The following ATF7 variants were observed in gnomAD, a reference collection of about 807,000 sequenced individuals.
The protein encoded by ATF7 is activating transcription factor 7.
A neutral mutation model predicts 50.4 loss-of-function variants in ATF7; 10 were observed. The observed-to-expected ratio is 0.20, with a 90% CI of 0.12 to 0.34. The LOEUF is 0.34. Ranked by LOEUF, ATF7 falls within the 10% of genes least tolerant of loss-of-function variation. ATF7 has a pLI of 1.00. For missense variants in ATF7, 465 were observed against 613.9 expected, an observed-to-expected ratio of 0.76 and a Z score of 2.56; for synonymous variants, 201 against 226.4, an observed-to-expected ratio of 0.89 and a Z score of 1.01.
downstream of ATF7, among the ~76,000 whole-genome samples, chr12:53,509,248 A>G (rs74089605): frequency 4.2e-3 from 637 of 152,302 alleles, 2 homozygotes; most frequent in African/African-American, 0.014. Flanking sequence ...AATCCATTCA[A>G]TAAAACAGCT....
rs1937696071 is a variant in ATF7, at chr12:53,516,292, T to G, written c.*845A>C. On this transcript the variant is annotated 3_prime_UTR_variant, in exon 12 of 12. Coordinates refer to ENST00000420353, the MANE Select transcript of ATF7 (RefSeq NM_006856.3). ...GAGACAGAATCAGCCAGTCAGATTC[T>G]GGGCCCTTCCCTTTTCACTACCAAG... 6.6e-6 allele frequency: 1 copy of G among 152,188 alleles called. No homozygotes were observed. The highest frequency in any genetic ancestry group is 2.4e-5 in the African/African-American group (1 of 41,434). The allele number at this position is 152,188 out of a possible 1,614,324, so 9.4% of individuals were successfully genotyped here.
chr12:53,528,410 C>T (rs191031577), intron 9 of ATF7, among the ~76,000 whole-genome samples: 6 of 151,924 alleles, frequency 3.9e-5, no homozygotes, highest in South Asian at 2.1e-4. Context: ...GGTGGATTGC[C>T]GGACCTCAGG....
chr12:53,585,207 C>T (rs1003161919), intron 2 of ATF7, among the ~76,000 whole-genome samples: 2 of 152,072 alleles, frequency 1.3e-5, no homozygotes, highest in African/African-American at 4.8e-5. Context: ...AACTCCTGGG[C>T]TCCAGCAATC....
At chr12:53,510,725 C>G (rs1267743124), downstream of ATF7, among the ~76,000 whole-genome samples, 1 of 152,196 alleles carries the variant, frequency 6.6e-6, no homozygotes, top group African/African-American at 2.4e-5. Flanking sequence ...CTGGGCTGAG[C>G]TGCATTCAGA....
intron 5 of ATF7, among the ~76,000 whole-genome samples, chr12:53,536,018 A>G (rs1939198318): frequency 6.6e-6 from 1 of 151,932 alleles, no homozygotes; most frequent in Non-Finnish European, 1.5e-5. Flanking sequence ...ACTTTCTCTC[A>G]AAAGAAAAAA....
intron 1 of ATF7, among the ~76,000 whole-genome samples, chr12:53,620,333 T>G (rs1183980853): frequency 2.2e-4 from 34 of 151,506 alleles, no homozygotes; most frequent in Non-Finnish European, 4.7e-4. Flanking sequence ...TCCCAGCACT[T>G]TGGGAGGCCG....
intron 2 of ATF7, among the ~76,000 whole-genome samples, chr12:53,559,110 T>A (rs1344421386): frequency 1.3e-5 from 2 of 150,358 alleles, no homozygotes; most frequent in Non-Finnish European, 3.0e-5. Flanking sequence ...CGTTAAGACC[T>A]TGTCTCTATT....
intron 2 of ATF7, among the ~76,000 whole-genome samples, chr12:53,577,438 CG>C (rs772251761): frequency 1.3e-5 from 2 of 151,502 alleles, no homozygotes; most frequent in Non-Finnish European, 2.9e-5. Flanking sequence ...CACACACGGC[CG>C]GGCGCGGTGG....
chr12:53,613,022 G>C (rs1381579552), intron 1 of ATF7, among the ~76,000 whole-genome samples: 1 of 151,848 alleles, frequency 6.6e-6, no homozygotes, highest in African/African-American at 2.4e-5. Flanking sequence ...AAAAAGGCAA[G>C]TGAGGCCAAT....
At chr12:53,536,359 C>A (rs1939222251) in intron 5 of ATF7, among the ~76,000 whole-genome samples, 1 of 151,666 alleles carries the variant, frequency 6.6e-6, no homozygotes, top group Non-Finnish European at 1.5e-5. Flanking sequence ...TCACTGAAAC[C>A]CTGGCCTCCT....
At chr12:53,577,752 G>GA (rs1425391110) in intron 2 of ATF7, among the ~76,000 whole-genome samples, 1 of 147,738 alleles carries the variant, frequency 6.8e-6, no homozygotes, top group East Asian at 2.0e-4. Flanking sequence ...AAGAAAGAAA[G>GA]AAACACACAC....
At chr12:53,577,435 G>T (rs536990067) in intron 2 of ATF7, among the ~76,000 whole-genome samples, 2 of 151,174 alleles carry the variant, frequency 1.3e-5, no homozygotes, top group South Asian at 4.2e-4. Context: ...AAACACACAC[G>T]GCCGGGCGCG....
chr12:53,520,619 A>G (rs1427006241), intron 11 of ATF7, among the ~76,000 whole-genome samples: 3 of 152,096 alleles, frequency 2.0e-5, no homozygotes, highest in Non-Finnish European at 2.9e-5. Flanking sequence ...TTACAAATCC[A>G]TATAACCAAC....
intron 1 of ATF7, among the ~76,000 whole-genome samples, chr12:53,616,648 T>A (rs1270756849): frequency 6.6e-6 from 1 of 151,956 alleles, no homozygotes; most frequent in Non-Finnish European, 1.5e-5. Context: ...TGCCAAAAGA[T>A]GAGAAAAGGC....
chr12:53,601,245 C>G (rs1352228720), intron 1 of ATF7, among the ~76,000 whole-genome samples: 1 of 152,142 alleles, frequency 6.6e-6, no homozygotes, highest in African/African-American at 2.4e-5. Context: ...TCTAAATAGT[C>G]AAGGAATTTC....
intron 3 of ATF7, among the ~76,000 whole-genome samples, chr12:53,547,334 T>C (rs1402993478): frequency 3.1e-5 from 4 of 130,728 alleles, no homozygotes; most frequent in Non-Finnish European, 6.5e-5. Flanking sequence ...TTACCTAGTT[T>C]GGATGCAGTG....
At chr12:53,554,379 C>T (rs1372727673) in intron 2 of ATF7, among the ~76,000 whole-genome samples, 2 of 151,722 alleles carry the variant, frequency 1.3e-5, no homozygotes, top group East Asian at 2.0e-4. Context: ...GATCCACTCA[C>T]CTTGGCCTCC....
At chr12:53,509,111 TA>T (rs1468028962), downstream of ATF7, among the ~76,000 whole-genome samples, 1 of 152,162 alleles carries the variant, frequency 6.6e-6, no homozygotes, top group East Asian at 1.9e-4. Flanking sequence ...AGCCATGACG[TA>T]AAGGCCTTGG....
At chr12:53,532,757 G>A (rs971115908) in intron 7 of ATF7, 134 bp from the exon 8 acceptor site, 13 of 632,340 alleles carry the variant, frequency 2.1e-5, no homozygotes, top group Middle Eastern at 3.9e-4. Flanking sequence ...CCCATAGGGC[G>A]TGCAGGGACA....
Sources: gnomAD v4.1 joint callset for allele counts (sites outside exome capture counted in the v4.1 genomes callset) on GRCh38, gnomAD v4.1.1 for gene constraint, MANE v1.5 for transcripts, NCBI Gene and HGNC (gene_info 2026-07-23, HGNC 2026-07-21) for gene names.